Variants in AQP7 observed in about 807,000 individuals in gnomAD.
The protein encoded by AQP7 is aquaporin-7.
AQP7 carries 22 observed loss-of-function variants against 26.1 expected under a neutral mutation model. That is an observed-to-expected ratio of 0.84 (90% CI 0.60 to 1.20). AQP7 has a LOEUF of 1.20. AQP7 is among the 50% of genes most tolerant of loss of function. The pLI, the probability that AQP7 is intolerant of heterozygous loss-of-function variation, is 0.00. For synonymous variants in AQP7, 167 were observed against 181.7 expected (o/e 0.92, Z 0.65); for missense variants, 412 against 457.5 (o/e 0.90, Z 0.91).
chr9:33,384,720 C>T lies in AQP7; in HGVS notation c.*285G>A. On this transcript the variant is annotated 3_prime_UTR_variant, in exon 8 of 8. Transcript: ENST00000297988. The stretch of plus-strand genomic sequence containing the variant: ...TTCCCCAAAACCACCCTTCCTTCCC[C>T]CGTGCCTGAAAATCCCTCATTCTGT... 3.1e-6 allele frequency: 1 copy of T among 321,016 alleles called. No homozygotes were observed. Among genetic ancestry groups the T allele is most frequent in the East Asian group, 5.7e-5 (1 of 17,404 alleles). The allele number at this position is 321,016 out of a possible 1,614,324, so 19.9% of individuals were successfully genotyped here. A position where few individuals can be genotyped will look rare whatever the true frequency, so the allele number is the denominator to read the frequency against.
intron 3 of AQP7, among the ~76,000 whole-genome samples, chr9:33,392,240 GGA>G (rs1409212929): frequency 1.3e-5 from 2 of 151,972 alleles, no homozygotes. Flanking sequence ...CTTGAACCCG[GGA>G]GATGGAGGTT....
chr9:33,401,189 G>C (rs953592805), intron 2 of AQP7, 48 bp downstream of exon 2: 92 of 1,544,128 alleles, frequency 6.0e-5, no homozygotes, highest in Non-Finnish European at 7.6e-5. Flanking sequence ...GAAGTGGGCT[G>C]GGTGAAGGAC....
In AQP7 at chr9:33,385,774, T is replaced by C. The variant is rs748190708; in HGVS notation, c.618A>G (p.Ile206Met). Residue 206 changes from isoleucine (I) to methionine (M), a missense_variant, in exon 7 of 8, where the codon ATA becomes ATG. By Grantham distance (10) the Ile-to-Met change is conservative. Transcript: ENST00000297988. The part of the protein sequence containing the change: ...PALPGTEALV[I>M]GILVVIIGVS... ...CCCCGATGATGACCACGAGGATGCCTATCACCAGCGCCTCTGTTCCTGGCA... is the reference window on the plus strand; with the variant it reads ...CCCCGATGATGACCACGAGGATGCCCATCACCAGCGCCTCTGTTCCTGGCA... The C allele has an allele frequency of 8.1e-6, 13 of 1,613,426 alleles. No homozygotes were observed. The East Asian group carries it at 2.7e-4, about 33-fold the overall frequency.
At chr9:33,394,165 C>T (rs1267912420) in intron 3 of AQP7, 1 of 152,314 alleles carries the variant, frequency 6.6e-6, no homozygotes, top group Admixed American at 6.5e-5. Context: ...CAGAACAGCT[C>T]ATCGGCGCTT....
chr9:33,394,932 C>T lies in AQP7; in HGVS notation c.144+146G>A, dbSNP rs190305016. 87 of 713,576 alleles carry T rather than the reference C, an allele frequency of 1.2e-4. 1 individual carries two copies. Among genetic ancestry groups the T allele is most frequent in the East Asian group, 1.2e-3 (45 of 37,986 alleles). The allele number at this position is 713,576 out of a possible 1,614,324, so 44.2% of individuals were successfully genotyped here. A position where few individuals can be genotyped will look rare whatever the true frequency, so the allele number is the denominator to read the frequency against. ...CCAAAAAGGCTTGATGAGAAAGCCC[C>T]CCCTCCTTACTTTCCTCTGCTGCTT... On this transcript the variant is annotated intron_variant, in intron 3 of 7. Transcript: ENST00000297988.
intron 3 of AQP7, among the ~76,000 whole-genome samples, chr9:33,392,466 G>A (rs1339334463): frequency 1.3e-5 from 2 of 152,116 alleles, no homozygotes; most frequent in Non-Finnish European, 2.9e-5. Context: ...GATTTGGGAA[G>A]ATGCTGCACG....
rs1433037593 is a variant in AQP7, at chr9:33,383,983, T to G, written c.*1022A>C. ...CAAAGGCAGAGCCCAGCGCATCCAC[T>G]GCGCATCCCCAGTGTCCAGGCAGGG... On this transcript the variant is annotated 3_prime_UTR_variant, in exon 8 of 8. Transcript: ENST00000297988. The G allele has an allele frequency of 6.6e-6, 1 of 152,384 alleles. No individual in the cohort carries two copies. The highest frequency in any genetic ancestry group is 2.4e-5 in the African/African-American group (1 of 41,466). The allele number at this position is 152,384 out of a possible 1,614,324, so 9.4% of individuals were successfully genotyped here. A position where few individuals can be genotyped will look rare whatever the true frequency, so the allele number is the denominator to read the frequency against.
At chr9:33,400,313 G>GGA (rs1380443234) in intron 2 of AQP7, among the ~76,000 whole-genome samples, 2 of 152,166 alleles carry the variant, frequency 1.3e-5, no homozygotes, top group Non-Finnish European at 2.9e-5. Flanking sequence ...TGCAGGGGCT[G>GGA]GAGATGGGGT....
intron 3 of AQP7, among the ~76,000 whole-genome samples, chr9:33,392,405 A>G (rs886948853): frequency 1.3e-5 from 2 of 152,060 alleles, no homozygotes; most frequent in African/African-American, 4.8e-5. Context: ...CAGTTTTCCC[A>G]TCTGTGAAAC....
intron 1 of AQP7, chr9:33,401,749 T>C (rs922351780): frequency 3.2e-4 from 56 of 174,174 alleles, no homozygotes; most frequent in Non-Finnish European, 2.1e-4. Context: ...CCCTGAAAAC[T>C]CATTTCACCC....
Position 33,385,780 on chromosome 9 carries a change from C to A in AQP7, c.612G>T (p.Leu204=). Residue 204 remains leucine, a synonymous_variant, in exon 7 of 8, where the codon CTG becomes CTT. Coordinates refer to ENST00000297988, the MANE Select transcript of AQP7 (RefSeq NM_001170.3). ...TGATGACCACGAGGATGCCTATCAC[C>A]AGCGCCTCTGTTCCTGGCAGTGCTG... The part of the protein sequence containing the change: ...NNPALPGTEA[L]VIGILVVIIG... The A allele has an allele frequency of 6.2e-7, 1 of 1,613,464 alleles. No individual in the cohort carries two copies. The highest frequency in any genetic ancestry group is 8.5e-7 in the Non-Finnish European group (1 of 1,179,988).
At position 33,384,536 on chromosome 9, in the gene AQP7, TA is replaced by T. The variant is rs1824566144; in HGVS notation, c.*468del. The T allele has an allele frequency of 6.5e-6, 1 of 153,152 alleles. No individual in the cohort carries two copies. Among genetic ancestry groups the T allele is most frequent in the Non-Finnish European group, 1.4e-5 (1 of 69,170 alleles). The allele number at this position is 153,152 out of a possible 1,614,324, so 9.5% of individuals were successfully genotyped here. A position where few individuals can be genotyped will look rare whatever the true frequency, so the allele number is the denominator to read the frequency against. On this transcript the variant is annotated 3_prime_UTR_variant, in exon 8 of 8. Transcript: ENST00000297988. The stretch of plus-strand genomic sequence containing the variant: ...GGGAAGGAACTAATGAAAAAAAGGC[TA>T]AAAAATTCTGATCTACATTCTTGGG...
At chr9:33,395,020 G>T in intron 3 of AQP7, 58 bp downstream of exon 3, 1 of 1,434,904 alleles carries the variant, frequency 7.0e-7, no homozygotes, top group Non-Finnish European at 9.8e-7. Flanking sequence ...AGCATGGGGA[G>T]GGGGTCATGG....
At chr9:33,387,668 G>A (rs1824986066) in intron 3 of AQP7, among the ~76,000 whole-genome samples, 1 of 151,914 alleles carries the variant, frequency 6.6e-6, no homozygotes, top group Non-Finnish European at 1.5e-5. Context: ...CATCCCTCAC[G>A]GCTCCTCAGA....
At chr9:33,386,676 C>A in intron 4 of AQP7, 135 bp from the exon 5 acceptor site, 2 of 1,259,492 alleles carry the variant, frequency 1.6e-6, no homozygotes, top group Non-Finnish European at 2.2e-6. Flanking sequence ...CCCTCACAAC[C>A]ACCCCGTGAG....
Position 33,384,781 on chromosome 9 carries a change from C to T in AQP7, c.*224G>A, listed in dbSNP as rs1824582640. ...TCTCACCCTGTTCCTACTGAGGGCG[C>T]AGGTCATCTCTTCCCCATTCTCCCC... On this transcript the variant is annotated 3_prime_UTR_variant, in exon 8 of 8. Transcript: ENST00000297988. The T allele has an allele frequency of 5.5e-6, 3 of 545,170 alleles. No individual in the cohort carries two copies. Among genetic ancestry groups the T allele is most frequent in the Non-Finnish European group, 3.2e-6 (1 of 312,544 alleles). The allele number at this position is 545,170 out of a possible 1,614,324, so 33.8% of individuals were successfully genotyped here. A position where few individuals can be genotyped will look rare whatever the true frequency, so the allele number is the denominator to read the frequency against.
chr9:33,398,049 G>A (rs550610553), intron 2 of AQP7, among the ~76,000 whole-genome samples: 54 of 152,320 alleles, frequency 3.5e-4, no homozygotes, highest in Non-Finnish European at 7.2e-4. Flanking sequence ...CCAGCTGAAA[G>A]AGTGGGCACC....
intron 3 of AQP7, among the ~76,000 whole-genome samples, chr9:33,392,984 T>A (rs1825547489): frequency 6.6e-6 from 1 of 152,152 alleles, no homozygotes; most frequent in Non-Finnish European, 1.5e-5. Context: ...TCCCAGCACT[T>A]TGGGAGGCTG....
intron 2 of AQP7, 60 bp from the exon 3 acceptor site, chr9:33,395,255 C>A: frequency 6.9e-7 from 1 of 1,441,612 alleles, no homozygotes; most frequent in Non-Finnish European, 9.7e-7. Flanking sequence ...TGCTGCCCAT[C>A]GGCTCTTCAA....
Sources: allele counts gnomAD v4.1 joint callset (sites outside exome capture counted in the v4.1 genomes callset), GRCh38; gene constraint gnomAD v4.1.1; transcripts MANE v1.5; gene names NCBI Gene and HGNC (gene_info 2026-07-23, HGNC 2026-07-21).